The following SV2B variants were observed in gnomAD, a reference collection of about 807,000 sequenced individuals.
SV2B encodes the protein synaptic vesicle glycoprotein 2B.
Under a neutral mutation model 73.9 loss-of-function variants are expected in SV2B, and 41 were observed. That is an observed-to-expected ratio of 0.56 (90% CI 0.43 to 0.72). SV2B has a LOEUF of 0.72. Among genes scored for constraint, SV2B ranks in the 30% least tolerant of loss-of-function variants. The pLI, the probability that SV2B is intolerant of heterozygous loss-of-function variation, is 0.00. For synonymous variants in SV2B, 314 were observed against 314.2 expected, an observed-to-expected ratio of 1.00 and a Z score of 0.01; for missense variants, 764 against 857.8, an observed-to-expected ratio of 0.89 and a Z score of 1.37.
At position 91,288,074 on chromosome 15, in the gene SV2B, G is replaced by T. The variant is rs2048921820; in HGVS notation, c.1709-1447G>T. ...AAGTCCATGGGGTTAGCGTGTAGAG[G>T]GTATGTACAGAGCACATGTACAGAG... On this transcript the variant is annotated intron_variant, in intron 11 of 12. Transcript: ENST00000394232. The surrounding 1 kb of genome is among the most constrained non-coding windows in gnomAD (Gnocchi z 5.8). 6.6e-6 allele frequency among the ~76,000 whole-genome samples: 1 copy of T among 152,022 alleles called. No individual in the cohort carries two copies. Among genetic ancestry groups the T allele is most frequent in the Non-Finnish European group, 1.5e-5 (1 of 68,002 alleles).
chr15:91,173,745 A>G (rs1159122771), intron 1 of SV2B, among the ~76,000 whole-genome samples: 1 of 152,236 alleles, frequency 6.6e-6, no homozygotes, highest in Non-Finnish European at 1.5e-5. Flanking sequence ...TGCAGGAAAG[A>G]ATAGGTGAAT....
At chr15:91,269,856 C>G (rs1432446271) in intron 9 of SV2B, among the ~76,000 whole-genome samples, 7 of 152,002 alleles carry the variant, frequency 4.6e-5, no homozygotes, top group African/African-American at 1.7e-4. Context: ...ATGCTGAAGC[C>G]CAGTTGCAGA....
In SV2B at chr15:91,289,708, G is replaced by GCTCA; in HGVS notation, c.1868+28_1868+29insCTCA. 6.2e-7 allele frequency: 1 copy of GCTCA among 1,603,110 alleles called. No individual in the cohort carries two copies. Among genetic ancestry groups the GCTCA allele is most frequent in the South Asian group, 1.1e-5 (1 of 90,094 alleles). On this transcript the variant is annotated intron_variant, in intron 12 of 12. Coordinates refer to ENST00000394232, the MANE Select transcript of SV2B (RefSeq NM_001323032.3). This position sits in a 1 kb window ranked among gnomAD's most constrained non-coding sequence, Gnocchi z 4.9. Reference sequence around the variant, plus strand: ...CAGTTCTTCCCCAGGCTTTCCTCAGGGACTTGTTTGGGCTTCTTTGGCCAG... The same window carrying GCTCA: ...CAGTTCTTCCCCAGGCTTTCCTCAGGCTCAGACTTGTTTGGGCTTCTTTGGCCAG...
At chr15:91,272,828 CTTTTTTTT>C (rs869274294) in intron 9 of SV2B, among the ~76,000 whole-genome samples, 57 of 92,882 alleles carry the variant, frequency 6.1e-4, no homozygotes, top group Middle Eastern at 6.6e-3. Context: ...GCATATTCGT[CTTTTTTTT>C]TTTTTTTTTT....
At chr15:91,272,071 G>A (rs922517385) in intron 9 of SV2B, among the ~76,000 whole-genome samples, 3 of 152,192 alleles carry the variant, frequency 2.0e-5, no homozygotes, top group Admixed American at 2.0e-4. Context: ...CCCCCAAGAA[G>A]AAACAAAAGT....
At position 91,290,734 on chromosome 15, in the gene SV2B, T is replaced by G. The variant is rs2049012887; in HGVS notation, c.1868+1054T>G. Among the ~76,000 whole-genome samples, 1 of 152,012 alleles carries G rather than the reference T, an allele frequency of 6.6e-6. No individual in the cohort carries two copies. ...ACTAAGAGATATAAAAAAAGACACA[T>G]AAGAGAAGATAAATATATGCCAACT... On this transcript the variant is annotated intron_variant, in intron 12 of 12. Transcript: ENST00000394232. The surrounding 1 kb of genome is among the most constrained non-coding windows in gnomAD (Gnocchi z 4.7).
rs1480546823 is a variant in SV2B at position 91,136,356 on chromosome 15, T to G, written c.-392+35993T>G. On this transcript the variant is annotated intron_variant, in intron 1 of 12. Coordinates refer to ENST00000394232, the MANE Select transcript of SV2B (RefSeq NM_001323032.3). The surrounding 1 kb of genome is among the most constrained non-coding windows in gnomAD (Gnocchi z 5.6). ...GGGTTGATGCATCTGACAGCCAGAATGTAAGGGGTCAGTTTGTGGGTGACT... is the reference window on the plus strand; with the variant it reads ...GGGTTGATGCATCTGACAGCCAGAAGGTAAGGGGTCAGTTTGTGGGTGACT... 6.6e-6 allele frequency among the ~76,000 whole-genome samples: 1 copy of G among 152,148 alleles called. No individual in the cohort carries two copies. Among genetic ancestry groups the G allele is most frequent in the Non-Finnish European group, 1.5e-5 (1 of 68,024 alleles).
chr15:91,230,642 C>T (rs2046540695), intron 2 of SV2B, among the ~76,000 whole-genome samples: 1 of 152,180 alleles, frequency 6.6e-6, no homozygotes, highest in East Asian at 1.9e-4. Context: ...AGGAGTTGGT[C>T]TCCTTCAACT....
In SV2B at chr15:91,280,395, A is replaced by G. The variant is rs376880408; in HGVS notation, c.1374-1333A>G. Among the ~76,000 whole-genome samples the G allele has an allele frequency of 3.3e-5, 5 of 152,298 alleles. No individual in the cohort carries two copies. Among genetic ancestry groups the G allele is most frequent in the Admixed American group, 6.5e-5 (1 of 15,304 alleles). ...GCCTATTTGCTTGCACTTTTTTCCA[A>G]TTAGACTGGAGAGCAGGGACCATGA... is the stretch of plus-strand genomic sequence containing the variant. On this transcript the variant is annotated intron_variant, in intron 9 of 12. Transcript: ENST00000394232. The surrounding 1 kb of genome is among the most constrained non-coding windows in gnomAD (Gnocchi z 5.8).
At chr15:91,226,769 T>C in intron 2 of SV2B, 55 bp downstream of exon 2, 1 of 1,554,894 alleles carries the variant, frequency 6.4e-7, no homozygotes, top group Non-Finnish European at 8.6e-7. Context: ...AAGTAAAATT[T>C]ATCTAGTATC....
intron 1 of SV2B, among the ~76,000 whole-genome samples, chr15:91,194,922 G>C (rs962967191): frequency 1.3e-5 from 2 of 152,204 alleles, no homozygotes; most frequent in African/African-American, 4.8e-5. Flanking sequence ...TCAGCACATA[G>C]TTTGTCACGT....
In SV2B at chr15:91,254,568, A is replaced by G. The variant is rs146467942; in HGVS notation, c.784+2048A>G. 3.4e-3 allele frequency among the ~76,000 whole-genome samples: 521 copies of G among 152,140 alleles called. 5 individuals carry two copies. The highest frequency in any genetic ancestry group is 0.012 in the African/African-American group (497 of 41,504). On this transcript the variant is annotated intron_variant, in intron 4 of 12. Transcript: ENST00000394232. ...CACATTTAAATGAAGTGATTGAAAA[A>G]CCTTTTATGGAGGGAAGCAACTGAA...
chr15:91,117,831 T>C (rs1384156316), intron 1 of SV2B, among the ~76,000 whole-genome samples: 1 of 152,190 alleles, frequency 6.6e-6, no homozygotes, highest in African/African-American at 2.4e-5. Flanking sequence ...GGGAAAAGAA[T>C]TGGGAGTAAA....
At chr15:91,212,976 A>G (rs978728120) in intron 1 of SV2B, among the ~76,000 whole-genome samples, 4 of 130,570 alleles carry the variant, frequency 3.1e-5, no homozygotes, top group African/African-American at 1.6e-4. Flanking sequence ...CCCTGTCTCT[A>G]CTAAAAAAAA....
At position 91,211,212 on chromosome 15, in the gene SV2B, G is replaced by A. The variant is rs528874683; in HGVS notation, c.-391-14661G>A. On this transcript the variant is annotated intron_variant, in intron 1 of 12. Transcript: ENST00000394232. ...CTGAGGTGAGAGCTGTGCTAAGGCA[G>A]TGCCAGTGGAATGGAGTGAAGGGCT... Among the ~76,000 whole-genome samples, 5 of 152,362 alleles carry A rather than the reference G, an allele frequency of 3.3e-5. No homozygotes were observed. The East Asian group carries it at 7.7e-4, about 23-fold the overall frequency.
At chr15:91,168,007 C>T (rs369975154) in intron 1 of SV2B, among the ~76,000 whole-genome samples, 17 of 152,160 alleles carry the variant, frequency 1.1e-4, no homozygotes, top group South Asian at 8.3e-4. Flanking sequence ...ATGTGCCACT[C>T]GGGGTCAGTC....
intron 1 of SV2B, among the ~76,000 whole-genome samples, chr15:91,103,255 T>G (rs2041787074): frequency 6.6e-6 from 1 of 152,180 alleles, no homozygotes; most frequent in South Asian, 2.1e-4. Context: ...TTAAGGACAC[T>G]GTGGAACGCA....
At chr15:91,178,103 G>A (rs1217472761) in intron 1 of SV2B, among the ~76,000 whole-genome samples, 3 of 143,864 alleles carry the variant, frequency 2.1e-5, no homozygotes, top group South Asian at 2.2e-4. Flanking sequence ...TTAGCATGAA[G>A]GTTGTTGAAT....
intron 1 of SV2B, among the ~76,000 whole-genome samples, chr15:91,104,436 C>T (rs1488547389): frequency 1.3e-5 from 2 of 152,174 alleles, no homozygotes; most frequent in Non-Finnish European, 2.9e-5. Flanking sequence ...TGATAACTGG[C>T]ACTCCGTCAC....
Sources: gnomAD v4.1 joint callset for allele counts (sites outside exome capture counted in the v4.1 genomes callset) on GRCh38, gnomAD v4.1.1 for gene constraint, Gnocchi (gnomAD v3.1) non-coding constraint, MANE v1.5 for transcripts, NCBI Gene and HGNC (gene_info 2026-07-23, HGNC 2026-07-21) for gene names.